Variants in ESRRB observed in about 807,000 individuals in gnomAD.
The protein encoded by ESRRB is estrogen related receptor beta.
A neutral mutation model predicts 46.0 loss-of-function variants in ESRRB; 16 were observed. The ratio of observed to expected loss-of-function variants is 0.35; its 90% CI spans 0.24 to 0.53. ESRRB has a LOEUF of 0.53. ESRRB is among the 20% of genes least tolerant of loss of function. The pLI, the probability that ESRRB is intolerant of heterozygous loss-of-function variation, is 0.93. For missense variants in ESRRB, 488 were observed against 607.4 expected, an observed-to-expected ratio of 0.80 and a Z score of 2.07; for synonymous variants, 246 against 259.6, an observed-to-expected ratio of 0.95 and a Z score of 0.50.
At chr14:76,473,579 G>A (rs906241263) in intron 3 of ESRRB, among the ~76,000 whole-genome samples, 2 of 152,250 alleles carry the variant, frequency 1.3e-5, no homozygotes, top group Non-Finnish European at 2.9e-5. Flanking sequence ...GTGCCCGGGT[G>A]TAAAAGAAAG....
intron 1 of ESRRB, among the ~76,000 whole-genome samples, chr14:76,343,413 A>G (rs1249393248): frequency 1.3e-5 from 2 of 152,248 alleles, no homozygotes; most frequent in Non-Finnish European, 2.9e-5. Flanking sequence ...CCTCCCTCAA[A>G]CTTAGTGTCT....
In ESRRB at chr14:76,376,299, G is replaced by C. The variant is rs1162123010; in HGVS notation, c.-103G>C. The C allele has an allele frequency of 9.7e-6, 9 of 924,108 alleles. No homozygotes were observed. Among genetic ancestry groups the C allele is most frequent in the Non-Finnish European group, 1.3e-5 (9 of 707,340 alleles). The allele number at this position is 924,108 out of a possible 1,614,324, so 57.2% of individuals were successfully genotyped here. ...CCCACTCTGCGTTCTCGCGCTCACTGTGCCCTGCCCGGGCTCGCACCTTGC... is the reference window on the plus strand; with the variant it reads ...CCCACTCTGCGTTCTCGCGCTCACTCTGCCCTGCCCGGGCTCGCACCTTGC... On this transcript the variant is annotated 5_prime_UTR_variant, in exon 1 of 7. Transcript: ENST00000644823. The surrounding 1 kb of genome is among the most constrained non-coding windows in gnomAD (Gnocchi z 4.1).
chr14:76,477,492 G>T (rs1363653755), intron 3 of ESRRB, among the ~76,000 whole-genome samples: 1 of 152,198 alleles, frequency 6.6e-6, no homozygotes, highest in African/African-American at 2.4e-5. Flanking sequence ...CTTGAGCAGA[G>T]TTGGTTTTAC....
At chr14:76,348,310 G>A (rs1477870393) in intron 1 of ESRRB, among the ~76,000 whole-genome samples, 1 of 152,182 alleles carries the variant, frequency 6.6e-6, no homozygotes, top group Non-Finnish European at 1.5e-5. Context: ...TGGGGCTTGA[G>A]ACTGTTAGTT....
intron 1 of ESRRB, among the ~76,000 whole-genome samples, chr14:76,323,063 G>A (rs1286465235): frequency 6.6e-6 from 1 of 152,118 alleles, no homozygotes; most frequent in South Asian, 2.1e-4. Flanking sequence ...TGCAGTGGGT[G>A]GGGGGCGTCT....
chr14:76,452,387 G>A (rs1888419651), intron 2 of ESRRB, among the ~76,000 whole-genome samples: 1 of 152,074 alleles, frequency 6.6e-6, no homozygotes, highest in South Asian at 2.1e-4. Context: ...AGCACTATGG[G>A]AGGCAGAGGC....
At chr14:76,379,908 G>A (rs956176281) in intron 1 of ESRRB, among the ~76,000 whole-genome samples, 19 of 150,014 alleles carry the variant, frequency 1.3e-4, no homozygotes, top group African/African-American at 4.2e-4. Flanking sequence ...CACAAAACAG[G>A]AATCTTTTTA....
chr14:76,475,863 T>G (rs1362480094), intron 3 of ESRRB, among the ~76,000 whole-genome samples: 1 of 152,240 alleles, frequency 6.6e-6, no homozygotes, highest in African/African-American at 2.4e-5. Flanking sequence ...AGTTTTTAAT[T>G]AAACTTCTTA....
At chr14:76,453,926 G>A in intron 2 of ESRRB, among the ~76,000 whole-genome samples, 1 of 151,892 alleles carries the variant, frequency 6.6e-6, no homozygotes, top group Non-Finnish European at 1.5e-5. Flanking sequence ...TTTCTTTCTT[G>A]ACTGATGGGT....
At chr14:76,335,981 G>A (rs1210161433) in intron 1 of ESRRB, among the ~76,000 whole-genome samples, 1 of 152,210 alleles carries the variant, frequency 6.6e-6, no homozygotes, top group East Asian at 1.9e-4. Flanking sequence ...GCACAGGGAT[G>A]TGAAGTCATT....
Position 76,351,986 on chromosome 14 carries a change from T to TAAAAAAAAAAAAAAAA in ESRRB, c.2+41078_2+41093dup, listed in dbSNP as rs201356393. On this transcript the variant is annotated intron_variant, in intron 1 of 6. Transcript: ENST00000512784. Reference sequence around the variant, plus strand: ...GGAGACAGAGTGAGACCCAGTCTCTTAAAAAAAAAAAAAAAAAAAAAAAGC... The same window carrying TAAAAAAAAAAAAAAAA: ...GGAGACAGAGTGAGACCCAGTCTCTTAAAAAAAAAAAAAAAAAAAAAAAAAAAAAAAAAAAAAAAGC... 2.7e-3 allele frequency among the ~76,000 whole-genome samples: 249 copies of TAAAAAAAAAAAAAAAA among 91,708 alleles called. 3 individuals carry two copies. Among genetic ancestry groups the TAAAAAAAAAAAAAAAA allele is most frequent in the East Asian group, 6.2e-3 (21 of 3,366 alleles). The allele number at this position is 91,708 out of a possible 152,430, so 60.2% of individuals were successfully genotyped here.
At chr14:76,423,708 T>A (rs1160678771) in intron 1 of ESRRB, among the ~76,000 whole-genome samples, 1 of 152,194 alleles carries the variant, frequency 6.6e-6, no homozygotes, top group Non-Finnish European at 1.5e-5. Context: ...CCCTCCTTAC[T>A]CATTCAACAA....
intron 1 of ESRRB, among the ~76,000 whole-genome samples, chr14:76,389,696 A>G (rs183399397): frequency 3.3e-5 from 5 of 152,342 alleles, no homozygotes; most frequent in Admixed American, 6.5e-5. Context: ...AACCAGCTCA[A>G]ACCAGCTCAG....
intron 1 of ESRRB, among the ~76,000 whole-genome samples, chr14:76,423,874 G>A (rs1887083033): frequency 6.6e-6 from 1 of 152,118 alleles, no homozygotes. Flanking sequence ...CAGTGTGGCT[G>A]GGATGGAGTG....
At chr14:76,454,976 G>A (rs1888541046) in intron 2 of ESRRB, among the ~76,000 whole-genome samples, 1 of 151,716 alleles carries the variant, frequency 6.6e-6, no homozygotes, top group Non-Finnish European at 1.5e-5. Flanking sequence ...AACATGGTGA[G>A]GAGTTTGAGA....
chr14:76,328,971 G>A (rs1245861839), intron 1 of ESRRB, among the ~76,000 whole-genome samples: 1 of 152,166 alleles, frequency 6.6e-6, no homozygotes, highest in Non-Finnish European at 1.5e-5. Flanking sequence ...ACGGTTTTGT[G>A]GAGTCCAGTT....
intron 1 of ESRRB, among the ~76,000 whole-genome samples, chr14:76,330,727 G>T (rs565011424): frequency 1.3e-5 from 2 of 152,236 alleles, no homozygotes; most frequent in Non-Finnish European, 2.9e-5. Context: ...AAGCAAGGGC[G>T]CTGTCCCTGG....
Position 76,462,582 on chromosome 14 carries a change from C to T in ESRRB, c.498C>T (p.Cys166=), listed in dbSNP as rs1064439. The T allele has an allele frequency of 1.1e-4, 184 of 1,613,868 alleles. 1 individual carries two copies. The highest frequency in any genetic ancestry group is 7.6e-4 in the South Asian group (69 of 91,086). The change falls in exon 3 of 7, where the codon TGC becomes TGT. Residue 166 remains cysteine (C), a synonymous_variant. Transcript: ENST00000644823. ...IEYSCPATNE[C]EITKRRRKSC... ...ACAGCTGCCCGGCCACCAACGAGTG[C>T]GAGATCACCAAACGGAGGCGCAAGT...
chr14:76,410,854 G>T (rs536276577), intron 1 of ESRRB, among the ~76,000 whole-genome samples: 4 of 151,940 alleles, frequency 2.6e-5, no homozygotes, highest in African/African-American at 7.3e-5. Context: ...TGCAATCTCA[G>T]CTCACTGCAA....
Sources: allele counts gnomAD v4.1 joint callset (sites outside exome capture counted in the v4.1 genomes callset), GRCh38; gene constraint gnomAD v4.1.1; non-coding constraint Gnocchi (gnomAD v3.1); transcripts MANE v1.5; gene names NCBI Gene and HGNC (gene_info 2026-07-23, HGNC 2026-07-21).